NOTCH2NLR: variants seen among roughly 807,000 people sequenced by gnomAD.
The protein encoded by NOTCH2NLR is notch 2 N-terminal like R (pseudogene).
In NOTCH2NLR, 33 loss-of-function variants were observed where a neutral mutation model predicts 35.6. The ratio of observed to expected loss-of-function variants is 0.93; its 90% CI spans 0.70 to 1.24. The LOEUF (loss-of-function observed/expected upper bound fraction) is 1.24. Among genes scored for constraint, NOTCH2NLR ranks in the 50% most tolerant of loss-of-function variants. The probability of loss-of-function intolerance (pLI) is 0.00; values close to 1 mark genes in which losing one functional copy is unlikely to be tolerated. For synonymous variants in NOTCH2NLR, 103 were observed against 141.0 expected, an observed-to-expected ratio of 0.73 and a Z score of 1.91; for missense variants, 276 against 362.2, an observed-to-expected ratio of 0.76 and a Z score of 1.93.
rs1265183083 is a variant in NOTCH2NLR at position 120,724,308 on chromosome 1, C to G, written c.73+58C>G. ...CGCCCGGGGCTGCCACCTGGGGCGA[C>G]CCTTCTCCCCCTCAGTCCTTCTCTG... On this transcript the variant is annotated intron_variant, in intron 1 of 4. Transcript: ENST00000624419. 10 of 1,363,154 alleles carry G rather than the reference C, an allele frequency of 7.3e-6. 2 individuals carry two copies. The highest frequency in any genetic ancestry group is 2.4e-5 in the Admixed American group (1 of 41,452). The allele number at this position is 1,363,154 out of a possible 1,614,324, so 84.4% of individuals were successfully genotyped here.
Position 120,759,658 on chromosome 1 carries a change from G to C in NOTCH2NLR, c.74-3970G>C, listed in dbSNP as rs1458363450. 3.9e-5 allele frequency among the ~76,000 whole-genome samples: 4 copies of C among 101,888 alleles called. 1 individual carries two copies. Among genetic ancestry groups the C allele is most frequent in the African/African-American group, 2.6e-4 (4 of 15,102 alleles). 66.8% of individuals were successfully genotyped at this position (101,888 alleles called of 152,430 possible). ...GAAGATAATTATAGTATTCATTTTT[G>C]CTCCTGAGTAAAGCCACAAGTCTCA... On this transcript the variant is annotated intron_variant, in intron 1 of 4. Coordinates refer to ENST00000624419, the Ensembl canonical transcript of NOTCH2NLR.
rs1398565696 is a variant in NOTCH2NLR, at chr1:120,755,613, T to G, written c.74-8015T>G. ...TTCAATATTATAAAATAGAACAAAA[T>G]TGGAATTTTTAAAACCAAAAATTAT... On this transcript the variant is annotated intron_variant, in intron 1 of 4. Coordinates refer to ENST00000624419, the Ensembl canonical transcript of NOTCH2NLR. Among the ~76,000 whole-genome samples the G allele has an allele frequency of 2.2e-5, 2 of 92,064 alleles. 1 individual carries two copies. The highest frequency in any genetic ancestry group is 3.9e-5 in the Non-Finnish European group (2 of 51,670). The allele number at this position is 92,064 out of a possible 152,430, so 60.4% of individuals were successfully genotyped here.
chr1:120,724,135 G>A, exon 1 of NOTCH2NLR: 1 of 1,361,538 alleles, frequency 7.3e-7, no homozygotes. Context: ...CCCAGGCGGC[G>A]GCGGCGGCGG....
chr1:120,793,310 C>T, exon 4 of NOTCH2NLR: 2 of 1,400,506 alleles, frequency 1.4e-6, no homozygotes, highest in Non-Finnish European at 1.9e-6. Flanking sequence ...GTGTGACATT[C>T]CAGGACACTG....
Position 120,737,797 on chromosome 1 carries a change from A to T in NOTCH2NLR, c.73+13547A>T, listed in dbSNP as rs1650921843. On this transcript the variant is annotated intron_variant, in intron 1 of 4. Transcript: ENST00000624419. ...TTCTCAGAAAAGGGCTTTATATTTT[A>T]ACATTTGTTTCCCTTGACAGTTTGC... is the stretch of plus-strand genomic sequence containing the variant. Among the ~76,000 whole-genome samples the T allele has an allele frequency of 1.7e-5, 2 of 121,088 alleles. 1 individual carries two copies. The highest frequency in any genetic ancestry group is 3.3e-5 in the Non-Finnish European group (2 of 60,018). The allele number at this position is 121,088 out of a possible 152,430, so 79.4% of individuals were successfully genotyped here. A position where few individuals can be genotyped will look rare whatever the true frequency, so the allele number is the denominator to read the frequency against.
rs1316890512 is a variant in NOTCH2NLR, at chr1:120,780,347, TAGA to T, written c.156-4624_156-4622del. ...GATCAGAGACAGGTGGGATGATTTG[TAGA>T]AGGCTTACTATAGGACAGGTTTACA... On this transcript the variant is annotated intron_variant, in intron 2 of 4. Coordinates refer to ENST00000624419, the Ensembl canonical transcript of NOTCH2NLR. 2.1e-5 allele frequency among the ~76,000 whole-genome samples: 2 copies of T among 93,184 alleles called. 1 individual carries two copies. 61.1% of individuals were successfully genotyped at this position (93,184 alleles called of 152,430 possible).
At chr1:120,784,851 G>T in intron 2 of NOTCH2NLR, 123 bp from the exon 3 acceptor site, 1 of 1,042,214 alleles carries the variant, frequency 9.6e-7, no homozygotes, top group East Asian at 2.6e-5. Flanking sequence ...TTTATAGGTG[G>T]TACTTGTAGG....
Position 120,765,165 on chromosome 1 carries a change from GA to G in NOTCH2NLR, c.155+1466del, listed in dbSNP as rs1553267428. ...GCTCATTTAGTTTTTCTAGCTGGGG[GA>G]AAAAAAAAACATGTGGTGCATTCTC... On this transcript the variant is annotated intron_variant, in intron 2 of 4. Coordinates refer to ENST00000624419, the Ensembl canonical transcript of NOTCH2NLR. Among the ~76,000 whole-genome samples the G allele has an allele frequency of 6.5e-4, 75 of 115,814 alleles. 10 individuals are homozygous for G. Among genetic ancestry groups the G allele is most frequent in the East Asian group, 1.0e-3 (5 of 4,896 alleles). The allele number at this position is 115,814 out of a possible 152,430, so 76.0% of individuals were successfully genotyped here. A position where few individuals can be genotyped will look rare whatever the true frequency, so the allele number is the denominator to read the frequency against.
intron 1 of NOTCH2NLR, among the ~76,000 whole-genome samples, chr1:120,752,552 A>ATTTT (rs1386751525): frequency 2.7e-3 from 24 of 8,972 alleles, no homozygotes; most frequent in Non-Finnish European, 3.3e-3. Context: ...ATATATATAT[A>ATTTT]TATTTTTTTT....
At position 120,756,024 on chromosome 1, in the gene NOTCH2NLR, C is replaced by G. The variant is rs1300595941; in HGVS notation, c.74-7604C>G. On this transcript the variant is annotated intron_variant, in intron 1 of 4. Transcript: ENST00000624419. ...TCCACTTCGTTTTTATTTAAATGTA[C>G]CACTTGGGATTTGAAGCTTCCGCAC... is the stretch of plus-strand genomic sequence containing the variant. 3.6e-5 allele frequency among the ~76,000 whole-genome samples: 4 copies of G among 110,340 alleles called. 1 individual carries two copies. The highest frequency in any genetic ancestry group is 5.5e-5 in the African/African-American group (1 of 18,266). The allele number at this position is 110,340 out of a possible 152,430, so 72.4% of individuals were successfully genotyped here. A position where few individuals can be genotyped will look rare whatever the true frequency, so the allele number is the denominator to read the frequency against.
rs1171158325 is a variant in NOTCH2NLR at position 120,724,753 on chromosome 1, G to A, written c.73+503G>A. Among the ~76,000 whole-genome samples, 9 of 118,528 alleles carry A rather than the reference G, an allele frequency of 7.6e-5. 3 individuals are homozygous for A. In the East Asian group the frequency reaches 1.9e-3, roughly 25 times the overall value. 77.8% of individuals were successfully genotyped at this position (118,528 alleles called of 152,430 possible). On this transcript the variant is annotated intron_variant, in intron 1 of 4. Transcript: ENST00000624419. ...GGGGCGGCACATGGGCCGGGTGTGT[G>A]GGCTTGGTTTGGATGGGGACGGGGT...
At chr1:120,787,881 TAAAA>T (rs1651438534) in intron 3 of NOTCH2NLR, among the ~76,000 whole-genome samples, 1 of 98,548 alleles carries the variant, frequency 1.0e-5, no homozygotes, top group Non-Finnish European at 1.8e-5. Flanking sequence ...ATGTTTTTAA[TAAAA>T]GAAGGAGGAA....
chr1:120,723,998 G>C, exon 1 of NOTCH2NLR: 1 of 1,216,290 alleles, frequency 8.2e-7, no homozygotes, highest in Middle Eastern at 3.0e-4. Context: ...CGGACTCGGG[G>C]CGCGGGGAGT....
At position 120,745,815 on chromosome 1, in the gene NOTCH2NLR, C is replaced by CA. The variant is rs1357711195; in HGVS notation, c.74-17793dup. On this transcript the variant is annotated intron_variant, in intron 1 of 4. Transcript: ENST00000624419. ...TGGGCAATAGAGAGAGACTGCATCT[C>CA]AAAAAAAAAAAAAAAAAAAACAAGG... Among the ~76,000 whole-genome samples, 114 of 15,378 alleles carry CA rather than the reference C, an allele frequency of 7.4e-3. 4 individuals are homozygous for CA. The highest frequency in any genetic ancestry group is 0.036 in the Middle Eastern group (1 of 28). The allele number at this position is 15,378 out of a possible 152,430, so 10.1% of individuals were successfully genotyped here. A position where few individuals can be genotyped will look rare whatever the true frequency, so the allele number is the denominator to read the frequency against.
chr1:120,745,651 G>GA (rs1356464973), intron 1 of NOTCH2NLR, among the ~76,000 whole-genome samples: 1 of 78,258 alleles, frequency 1.3e-5, no homozygotes, highest in South Asian at 3.6e-4. Flanking sequence ...CGTCTCTACG[G>GA]AAAAAAATGC....
At chr1:120,724,416 C>G (rs1650792473) in intron 1 of NOTCH2NLR, among the ~76,000 whole-genome samples, 166 bp downstream of exon 1, 1 of 120,542 alleles carries the variant, frequency 8.3e-6, no homozygotes, top group African/African-American at 4.6e-5. Context: ...CCGGGGGCCC[C>G]TCCCGTGGTG....
Position 120,727,281 on chromosome 1 carries a change from A to G in NOTCH2NLR, c.73+3031A>G, listed in dbSNP as rs1408074803. 8.1e-5 allele frequency among the ~76,000 whole-genome samples: 8 copies of G among 98,324 alleles called. 1 individual carries two copies. The East Asian group carries it at 1.9e-3, about 24-fold the overall frequency. 64.5% of individuals were successfully genotyped at this position (98,324 alleles called of 152,430 possible). ...CTGACAAGTAACTTGGTTGCAACCCACTGATTAAGTACATTTTTTTTTACC... is the reference window on the plus strand; with the variant it reads ...CTGACAAGTAACTTGGTTGCAACCCGCTGATTAAGTACATTTTTTTTTACC... On this transcript the variant is annotated intron_variant, in intron 1 of 4. Coordinates refer to ENST00000624419, the Ensembl canonical transcript of NOTCH2NLR.
chr1:120,754,765 C>G (rs1651062147), intron 1 of NOTCH2NLR, among the ~76,000 whole-genome samples: 1 of 116,044 alleles, frequency 8.6e-6, no homozygotes, highest in African/African-American at 5.1e-5. Context: ...TTCCTTCAAA[C>G]AAATGGTAAG....
intron 1 of NOTCH2NLR, among the ~76,000 whole-genome samples, chr1:120,759,120 C>A (rs1354204409): frequency 4.4e-5 from 3 of 68,444 alleles, no homozygotes; most frequent in Non-Finnish European, 7.3e-5. Flanking sequence ...ATAGTAGATG[C>A]TTTCTAAATA....
Sources: gnomAD v4.1 joint callset for allele counts (sites outside exome capture counted in the v4.1 genomes callset) on GRCh38, gnomAD v4.1.1 for gene constraint, MANE v1.5 for transcripts, NCBI Gene and HGNC (gene_info 2026-07-23, HGNC 2026-07-21) for gene names.